CDC42BPG: variants seen among roughly 807,000 people sequenced by gnomAD.
CDC42BPG encodes the protein serine/threonine-protein kinase MRCK gamma.
Under a neutral mutation model 192.2 loss-of-function variants are expected in CDC42BPG, and 157 were observed. The observed-to-expected ratio is 0.82, with a 90% CI of 0.72 to 0.93. The LOEUF is 0.93. CDC42BPG is among the 40% of genes least tolerant of loss of function. The pLI is 0.00. For synonymous variants in CDC42BPG, 981 were observed against 918.5 expected (o/e 1.07, Z -1.23); for missense variants, 1,992 against 2,122.1 (o/e 0.94, Z 1.20).
At chr11:64,838,962 C>T (rs371460001) in intron 7 of CDC42BPG, 60 bp from the exon 8 acceptor site, 57 of 1,610,154 alleles carry the variant, frequency 3.5e-5, no homozygotes, top group Middle Eastern at 3.3e-4. Context: ...CCTCACCTGC[C>T]GGTACTTCCA....
chr11:64,828,280 CAT>C (rs1942527170), intron 30 of CDC42BPG, among the ~76,000 whole-genome samples: 1 of 222 alleles, frequency 4.5e-3, no homozygotes, highest in Non-Finnish European at 9.1e-3. Flanking sequence ...CCCACTGCCT[CAT>C]TCATTCATTC....
Position 64,844,446 on chromosome 11 carries a change from G to C in CDC42BPG, c.124C>G (p.Arg42Gly). 1 of 1,473,826 alleles carries C rather than the reference G, an allele frequency of 6.8e-7. No individual in the cohort carries two copies. The highest frequency in any genetic ancestry group is 8.9e-7 in the Non-Finnish European group (1 of 1,118,074). 91.3% of individuals were successfully genotyped at this position (1,473,826 alleles called of 1,614,324 possible). A position where few individuals can be genotyped will look rare whatever the true frequency, so the allele number is the denominator to read the frequency against. Reference sequence around the variant, plus strand: ...AACTGCGCCACGCTGCGCTCCCGCCGTAGGGGGCCGCTGCTGAGCTCGTGG... The same window carrying C: ...AACTGCGCCACGCTGCGCTCCCGCCCTAGGGGGCCGCTGCTGAGCTCGTGG... ...LHHELSSGPL[R>G]RERSVAQFLS... Residue 42 changes from arginine (R) to glycine (G), a missense_variant, in exon 1 of 37, where the codon CGG becomes GGG. Physicochemically the swap from Arg to Gly is moderately radical, Grantham distance 125. Coordinates refer to ENST00000342711, the MANE Select transcript of CDC42BPG (RefSeq NM_017525.3).
chr11:64,834,401 G>T, intron 19 of CDC42BPG, 28 bp downstream of exon 19: 1 of 1,560,296 alleles, frequency 6.4e-7, no homozygotes, highest in Non-Finnish European at 8.7e-7. Flanking sequence ...TGCGGGCCCT[G>T]GCCCCCAGTG....
Position 64,827,357 on chromosome 11 carries a change from G to A in CDC42BPG, c.4192C>T (p.Arg1398Trp), listed in dbSNP as rs768092073. ...CTCTTGGTGCGGAACAGCTGGCGCCGGCTGTTGTCGGTGAGGTCCGGGATG... is the reference window on the plus strand; with the variant it reads ...CTCTTGGTGCGGAACAGCTGGCGCCAGCTGTTGTCGGTGAGGTCCGGGATG... ...FDIPDLTDNS[R>W]RQLFRTKSKR... is the part of the protein sequence containing the mutation. The change falls in exon 33 of 37, where the codon CGG (arginine) becomes TGG (tryptophan). Residue 1398 changes from arginine (R) to tryptophan (W), a missense_variant. Arg to Trp is a moderately radical substitution (Grantham distance 101). Around this residue, in one of 2 missense-constraint regions of CDC42BPG, gnomAD observed 336 missense variants for 277.9 expected, o/e 1.21. Coordinates refer to ENST00000342711, the MANE Select transcript of CDC42BPG (RefSeq NM_017525.3). 8 of 1,613,992 alleles carry A rather than the reference G, an allele frequency of 5.0e-6. No homozygotes were observed. Among genetic ancestry groups the A allele is most frequent in the Admixed American group, 1.7e-5 (1 of 60,010 alleles).
At position 64,836,133 on chromosome 11, in the gene CDC42BPG, C is replaced by G. The variant is rs777941977; in HGVS notation, c.1652G>C (p.Arg551Pro). ...GTCACTCACCTCCCTCTGGGCAGCC[C>G]GGGCTTCCTCCAGCTGGGAGCTCAG... ...RALSSQLEEA[R>P]AAQRELEAQV... Residue 551 changes from arginine to proline, a missense_variant, in exon 13 of 37, where the codon CGG becomes CCG. Physicochemically the swap from Arg to Pro is moderately radical, Grantham distance 103 (BLOSUM62 -2). Transcript: ENST00000342711. 6.3e-7 allele frequency: 1 copy of G among 1,599,510 alleles called. No individual in the cohort carries two copies. The highest frequency in any genetic ancestry group is 1.1e-5 in the South Asian group (1 of 88,810).
At chr11:64,842,390 C>T (rs1383619194) in intron 1 of CDC42BPG, among the ~76,000 whole-genome samples, 1 of 152,162 alleles carries the variant, frequency 6.6e-6, no homozygotes, top group Non-Finnish European at 1.5e-5. Context: ...GGGCCTGGGT[C>T]CCGGGACCCT....
intron 10 of CDC42BPG, 25 bp from the exon 11 acceptor site, chr11:64,836,844 G>T: frequency 6.2e-7 from 1 of 1,609,992 alleles, no homozygotes; most frequent in Non-Finnish European, 8.5e-7. Flanking sequence ...GTACCCACAG[G>T]TGAGTCCACT....
intron 1 of CDC42BPG, among the ~76,000 whole-genome samples, chr11:64,842,675 G>A (rs867433955): frequency 3.3e-5 from 5 of 152,184 alleles, no homozygotes; most frequent in Admixed American, 2.6e-4. Flanking sequence ...GGTCAAGAAC[G>A]TCCTCTTTCC....
In CDC42BPG at chr11:64,839,587, C is replaced by T. The variant is rs1943186571; in HGVS notation, c.582-16G>A. 3 of 1,606,556 alleles carry T rather than the reference C, an allele frequency of 1.9e-6. No homozygotes were observed. Among genetic ancestry groups the T allele is most frequent in the African/African-American group, 2.7e-5 (2 of 74,810 alleles). ...CTTGACATCCCTGGGGGATGGCAGG[C>T]AGGGAGAGTGAGGCGTTTGACCTGT... On this transcript the variant is annotated splice_polypyrimidine_tract_variant and intron_variant, in intron 5 of 36. Transcript: ENST00000342711.
In CDC42BPG at chr11:64,844,458, T is replaced by G. The variant is rs1386062188; in HGVS notation, c.112A>C (p.Ser38Arg). ...LLLALHHELSSGPLRRERSVA... is the reference protein window; with the variant it reads ...LLLALHHELSRGPLRRERSVA... The stretch of plus-strand genomic sequence containing the variant: ...CTGCGCTCCCGCCGTAGGGGGCCGC[T>G]GCTGAGCTCGTGGTGCAGCGCCAGC... The change falls in exon 1 of 37, where the codon AGC becomes CGC. Residue 38 changes from serine (S) to arginine (R), a missense_variant. Around this residue, in one of 2 missense-constraint regions of CDC42BPG, gnomAD observed 1,656 missense variants for 1,844.3 expected, o/e 0.90. Transcript: ENST00000342711. 1 of 1,468,646 alleles carries G rather than the reference T, an allele frequency of 6.8e-7. No individual in the cohort carries two copies. The highest frequency in any genetic ancestry group is 9.0e-7 in the Non-Finnish European group (1 of 1,115,836). 91.0% of individuals were successfully genotyped at this position (1,468,646 alleles called of 1,614,324 possible). A position where few individuals can be genotyped will look rare whatever the true frequency, so the allele number is the denominator to read the frequency against.
In CDC42BPG at chr11:64,839,052, C is replaced by A; in HGVS notation, c.857G>T (p.Gly286Val). Residue 286 changes from glycine to valine, a missense_variant, in exon 7 of 37, where the codon GGC becomes GTC. This residue lies in a region of CDC42BPG where 1,656 missense variants were observed against 1,844.3 expected (regional missense o/e 0.90). Coordinates refer to ENST00000342711, the MANE Select transcript of CDC42BPG (RefSeq NM_017525.3). ...CCAGACCTCGTGGTTCATGATCTTG[C>A]CGTAGGTTTCCACCAAGGACTCAGC... ...FYAESLVETY[G>V]KIMNHEDHLQ... 1.9e-6 allele frequency: 3 copies of A among 1,613,624 alleles called. No homozygotes were observed. Among genetic ancestry groups the A allele is most frequent in the Non-Finnish European group, 2.5e-6 (3 of 1,180,028 alleles).
In CDC42BPG at chr11:64,831,592, G is replaced by C. The variant is rs367713024; in HGVS notation, c.3217C>G (p.Pro1073Ala). ...AGTGTGTACACGGGCCGGGGTCTTG[G>C]CCGCGCGTCCAGCAGCAGCCGCTGC... ...ELQRLLLDAR[P>A]RPRPVYTLKE... is the part of the protein sequence containing the mutation. Residue 1073 changes from proline (P) to alanine (A), a missense_variant, in exon 28 of 37, where the codon CCA (proline) becomes GCA (alanine). Physicochemically the swap from Pro to Ala is conservative, Grantham distance 27. Coordinates refer to ENST00000342711, the MANE Select transcript of CDC42BPG (RefSeq NM_017525.3). 3 of 1,612,258 alleles carry C rather than the reference G, an allele frequency of 1.9e-6. No homozygotes were observed. In the Admixed American group the frequency reaches 5.0e-5, roughly 27 times the overall value.
intron 1 of CDC42BPG, 55 bp downstream of exon 1, chr11:64,844,355 G>C: frequency 7.5e-7 from 1 of 1,326,806 alleles, no homozygotes; most frequent in East Asian, 3.1e-5. Flanking sequence ...GGGTGCGGGG[G>C]TCTCGGCGCG....
chr11:64,839,480 T>C lies in CDC42BPG; in HGVS notation c.673A>G (p.Met225Val), dbSNP rs1943180920. The C allele has an allele frequency of 1.2e-6, 2 of 1,613,016 alleles. No individual in the cohort carries two copies. The highest frequency in any genetic ancestry group is 1.7e-6 in the Non-Finnish European group (2 of 1,179,936). Reference sequence around the variant, plus strand: ...CCACTCTGGGGCGGGGTCCTTACCATGCCGTTGGTGTTGAGACGCAGGCAG... The same window carrying C: ...CCACTCTGGGGCGGGGTCCTTACCACGCCGTTGGTGTTGAGACGCAGGCAG... Reference protein sequence around the residue: ...GSCLRLNTNGMVDSSVAVGTP... With the variant: ...GSCLRLNTNGVVDSSVAVGTP... The change falls in exon 6 of 37, where the codon ATG becomes GTG. Residue 225 changes from methionine (M) to valine (V), a missense_variant and splice_region_variant. Around this residue, in one of 2 missense-constraint regions of CDC42BPG, gnomAD observed 1,656 missense variants for 1,844.3 expected, o/e 0.90. Transcript: ENST00000342711.
Position 64,840,265 on chromosome 11 carries a change from G to T in CDC42BPG, c.436C>A (p.Leu146Ile). Residue 146 changes from leucine to isoleucine, a missense_variant, in exon 5 of 37, where the codon CTT becomes ATT. Physicochemically the swap from Leu to Ile is conservative, Grantham distance 5. Around this residue, in one of 2 missense-constraint regions of CDC42BPG, gnomAD observed 1,656 missense variants for 1,844.3 expected, o/e 0.90. Transcript: ENST00000342711. ...YAFQDEEYLY[L>I]VMDYYAGGDL... ...CCACCAGCATAGTAGTCCATCACAA[G>T]GTACTGGAGGTGGCGGACAAGAATC... 6.2e-7 allele frequency: 1 copy of T among 1,610,268 alleles called. No individual in the cohort carries two copies. Among genetic ancestry groups the T allele is most frequent in the Non-Finnish European group, 8.5e-7 (1 of 1,179,322 alleles).
intron 3 of CDC42BPG, among the ~76,000 whole-genome samples, chr11:64,841,433 C>G (rs1202588846): frequency 1.4e-5 from 2 of 141,848 alleles, no homozygotes; most frequent in African/African-American, 2.6e-5. Flanking sequence ...GCCTAGTTGA[C>G]AGAGCAAGAT....
At position 64,833,724 on chromosome 11, in the gene CDC42BPG, C is replaced by T. The variant is rs1207284192; in HGVS notation, c.2565+14G>A. The stretch of plus-strand genomic sequence containing the variant: ...GGGGCCCAGGCCCCCTACGATGGAC[C>T]CACCTGTCCTCACCCCCATGCGCAG... On this transcript the variant is annotated intron_variant, in intron 22 of 36. Coordinates refer to ENST00000342711, the MANE Select transcript of CDC42BPG (RefSeq NM_017525.3). The T allele has an allele frequency of 1.2e-6, 2 of 1,613,884 alleles. No individual in the cohort carries two copies. Among genetic ancestry groups the T allele is most frequent in the Non-Finnish European group, 1.7e-6 (2 of 1,179,964 alleles).
Position 64,829,985 on chromosome 11 carries a change from G to A in CDC42BPG, c.3453C>T (p.Arg1151=), listed in dbSNP as rs148155039. The A allele has an allele frequency of 8.5e-4, 1,365 of 1,612,790 alleles. 1 individual carries two copies. The highest frequency in any genetic ancestry group is 1.1e-3 in the Non-Finnish European group (1,295 of 1,179,888). ...GGGCAAAGAGACGCACGCTGGGGCC[G>A]CGGCCACACAGCACGACCAGCAGGC... is the stretch of plus-strand genomic sequence containing the variant. ...SAGLLVVLCG[R]GPSVRLFALA... Residue 1151 remains arginine (R), a synonymous_variant, in exon 30 of 37, where the codon CGC becomes CGT. Coordinates refer to ENST00000342711, the MANE Select transcript of CDC42BPG (RefSeq NM_017525.3).
chr11:64,837,022 G>A lies in CDC42BPG; in HGVS notation c.1206-3C>T, dbSNP rs1943051093. ...CAGAGCTGCTCTCAGGACTGTGACT[G>A]TAGGGGGACAGGGGCCATGTTTGTT... On this transcript the variant is annotated splice_region_variant and splice_polypyrimidine_tract_variant and intron_variant, in intron 9 of 36. Transcript: ENST00000342711. The A allele has an allele frequency of 6.2e-7, 1 of 1,611,188 alleles. No homozygotes were observed. The highest frequency in any genetic ancestry group is 1.1e-5 in the South Asian group (1 of 91,046).
Sources: gnomAD v4.1 joint callset for allele counts (sites outside exome capture counted in the v4.1 genomes callset) on GRCh38, gnomAD v4.1.1 for gene constraint, gnomAD v4.1.1 regional missense constraint, MANE v1.5 for transcripts, NCBI Gene and HGNC (gene_info 2026-07-23, HGNC 2026-07-21) for gene names.